The following USP44 variants were observed in gnomAD, a reference collection of about 807,000 sequenced individuals.
USP44 encodes the protein ubiquitin carboxyl-terminal hydrolase 44.
Under a neutral mutation model 69.0 loss-of-function variants are expected in USP44, and 61 were observed. The observed-to-expected ratio is 0.88, with a 90% CI of 0.72 to 1.09. The LOEUF is 1.09. Ranked by LOEUF, USP44 falls within the 50% of genes least tolerant of loss-of-function variation. The pLI, the probability that USP44 is intolerant of heterozygous loss-of-function variation, is 0.00. For synonymous variants in USP44, 297 were observed against 295.4 expected, an observed-to-expected ratio of 1.01 and a Z score of -0.06; for missense variants, 753 against 849.9, an observed-to-expected ratio of 0.89 and a Z score of 1.42.
chr12:95,526,692 T>C (rs1375481537), intron 3 of USP44, among the ~76,000 whole-genome samples: 1 of 152,216 alleles, frequency 6.6e-6, no homozygotes, highest in East Asian at 1.9e-4. Flanking sequence ...TAACATTTCT[T>C]CAATGTGGGA....
Position 95,528,794 on chromosome 12 carries a change from C to T in USP44, c.1624+13G>A, listed in dbSNP as rs756860346. On this transcript the variant is annotated intron_variant, in intron 3 of 5. Coordinates refer to ENST00000258499, the MANE Select transcript of USP44 (RefSeq NM_032147.5). Reference sequence around the variant, plus strand: ...TCCTAGGAAAGCACCAAGAACACAACGTCTTTACTCACAGTTACACTGGTC... The same window carrying T: ...TCCTAGGAAAGCACCAAGAACACAATGTCTTTACTCACAGTTACACTGGTC... 6 of 1,605,966 alleles carry T rather than the reference C, an allele frequency of 3.7e-6. No individual in the cohort carries two copies. The highest frequency in any genetic ancestry group is 1.8e-4 in the Middle Eastern group (1 of 5,554).
rs2140301670 is a variant in USP44 at position 95,534,194 on chromosome 12, G to T, written c.63C>A (p.Ser21Arg). The T allele has an allele frequency of 6.2e-7, 1 of 1,614,120 alleles. No individual in the cohort carries two copies. ...GQLQLAQDHSSLNPQKWHCVD... is the reference protein window; with the variant it reads ...GQLQLAQDHSRLNPQKWHCVD... ...CACAGTGCCATTTCTGAGGGTTGAG[G>T]CTGGAATGGTCTTGAGCAAGCTGCA... The change falls in exon 2 of 6, where the codon AGC (serine) becomes AGA (arginine). Residue 21 changes from serine (S) to arginine (R), a missense_variant. Transcript: ENST00000258499.
chr12:95,530,826 A>G (rs773548479), intron 2 of USP44, among the ~76,000 whole-genome samples: 1 of 152,186 alleles, frequency 6.6e-6, no homozygotes. Flanking sequence ...TAATGAAAAA[A>G]ATTAAAAACA....
In USP44 at chr12:95,517,657, A is replaced by C. The variant is rs1231968639; in HGVS notation, c.*497T>G. 6.5e-6 allele frequency: 1 copy of C among 153,068 alleles called. No individual in the cohort carries two copies. Among genetic ancestry groups the C allele is most frequent in the Non-Finnish European group, 1.5e-5 (1 of 68,608 alleles). 9.5% of individuals were successfully genotyped at this position (153,068 alleles called of 1,614,324 possible). ...GGCCTGTTAACACACAAAGCCTCAGAAATACCAGTGAGTGTGACTGAAGAA... is the reference window on the plus strand; with the variant it reads ...GGCCTGTTAACACACAAAGCCTCAGCAATACCAGTGAGTGTGACTGAAGAA... On this transcript the variant is annotated 3_prime_UTR_variant, in exon 6 of 6. Transcript: ENST00000258499.
rs1565793929 is a variant in USP44 at position 95,517,248 on chromosome 12, T to C, written c.*906A>G. On this transcript the variant is annotated 3_prime_UTR_variant, in exon 6 of 6. Transcript: ENST00000258499. The stretch of plus-strand genomic sequence containing the variant: ...TCCAGTTGCCAATTTTGAACACTTA[T>C]CTTTTCTGCCCTATAATTTTTTCTC... 6.6e-6 allele frequency: 1 copy of C among 152,086 alleles called. No homozygotes were observed. The highest frequency in any genetic ancestry group is 2.1e-4 in the South Asian group (1 of 4,826). The allele number at this position is 152,086 out of a possible 1,614,324, so 9.4% of individuals were successfully genotyped here.
At chr12:95,529,154 T>C (rs1565814530) in intron 2 of USP44, 152 bp from the exon 3 acceptor site, 10 of 738,096 alleles carry the variant, frequency 1.4e-5, no homozygotes, top group Non-Finnish European at 2.0e-5. Context: ...TGTCAGGAAA[T>C]CTTTCATTAT....
In USP44 at chr12:95,533,420, T is replaced by C. The variant is rs1245860937; in HGVS notation, c.837A>G (p.Gly279=). 1.9e-6 allele frequency: 3 copies of C among 1,613,788 alleles called. No individual in the cohort carries two copies. The highest frequency in any genetic ancestry group is 1.7e-5 in the Admixed American group (1 of 59,982). Residue 279 remains glycine (G), a synonymous_variant, in exon 2 of 6, where the codon GGA becomes GGG. Transcript: ENST00000258499. ...GAACAGAATTCATATAGCAAGTATT[T>C]CCCAAATTTCTCAATCCTGTTACAC... is the stretch of plus-strand genomic sequence containing the variant. ...TPGVTGLRNL[G]NTCYMNSVLQ...
chr12:95,527,553 T>C (rs1483918435), intron 3 of USP44, among the ~76,000 whole-genome samples: 1 of 150,682 alleles, frequency 6.6e-6, no homozygotes, highest in East Asian at 2.0e-4. Context: ...GGCACGATCT[T>C]GGCTCACTGC....
At chr12:95,519,327 AC>A (rs1329745994) in intron 5 of USP44, among the ~76,000 whole-genome samples, 4 of 152,018 alleles carry the variant, frequency 2.6e-5, no homozygotes, top group Non-Finnish European at 4.4e-5. Context: ...TCATGTCTAA[AC>A]CTGGGTCCCA....
At chr12:95,540,051 C>T (rs954394605) in intron 1 of USP44, among the ~76,000 whole-genome samples, 1 of 152,116 alleles carries the variant, frequency 6.6e-6, no homozygotes, top group Non-Finnish European at 1.5e-5. Context: ...GTAATACCTT[C>T]CTGTTGTATT....
At chr12:95,536,134 C>T (rs1034115467) in intron 1 of USP44, among the ~76,000 whole-genome samples, 3 of 151,222 alleles carry the variant, frequency 2.0e-5, no homozygotes, top group African/African-American at 7.3e-5. Context: ...CCTCCACCTC[C>T]CAGGTTCCAG....
At chr12:95,535,036 A>G (rs2077156487) in intron 1 of USP44, among the ~76,000 whole-genome samples, 1 of 152,206 alleles carries the variant, frequency 6.6e-6, no homozygotes, top group African/African-American at 2.4e-5. Context: ...TAATATTTAT[A>G]AACATTATGA....
chr12:95,528,028 G>A (rs911867961), intron 3 of USP44, among the ~76,000 whole-genome samples: 7 of 151,646 alleles, frequency 4.6e-5, no homozygotes, highest in African/African-American at 1.7e-4. Context: ...TAGGAGAGAC[G>A]AGGTTTCACC....
chr12:95,551,034 G>C (rs1019842292), intron 1 of USP44, among the ~76,000 whole-genome samples: 1 of 151,952 alleles, frequency 6.6e-6, no homozygotes, highest in South Asian at 2.1e-4. Context: ...TTTTATTCAT[G>C]ATCTTCACTA....
At chr12:95,546,997 A>G (rs2077593264) in intron 1 of USP44, 1 of 152,222 alleles carries the variant, frequency 6.6e-6, no homozygotes, top group African/African-American at 2.4e-5. Flanking sequence ...AAATCTGTAG[A>G]AAAGGGAGAA....
Position 95,533,653 on chromosome 12 carries a change from T to C in USP44, c.604A>G (p.Lys202Glu). The change falls in exon 2 of 6, where the codon AAA (lysine) becomes GAA (glutamate). Residue 202 changes from lysine to glutamate, a missense_variant. By Grantham distance (56) the Lys-to-Glu change is moderately conservative. Transcript: ENST00000258499. ...GGAGGCATACTTTCCAATTCTGCTT[T>C]AACTTGATACTCCAATTCCTGCCGT... ...KRRQELEYQV[K>E]AELESMPPRK... The C allele has an allele frequency of 1.2e-6, 2 of 1,613,944 alleles. No individual in the cohort carries two copies. The highest frequency in any genetic ancestry group is 1.7e-6 in the Non-Finnish European group (2 of 1,180,050).
intron 5 of USP44, among the ~76,000 whole-genome samples, chr12:95,519,981 C>A (rs1428260876): frequency 8.0e-6 from 1 of 124,828 alleles, no homozygotes; most frequent in African/African-American, 3.2e-5. Context: ...GTACTCTAGC[C>A]CAGGGGAAAG....
At chr12:95,522,484 T>C (rs1565803986) in intron 4 of USP44, among the ~76,000 whole-genome samples, 1 of 152,056 alleles carries the variant, frequency 6.6e-6, no homozygotes, top group Non-Finnish European at 1.5e-5. Flanking sequence ...TCTGGAGTGA[T>C]GAGAGTGTCT....
chr12:95,533,276 T>G lies in USP44; in HGVS notation c.981A>C (p.Thr327=). 1.2e-6 allele frequency: 2 copies of G among 1,614,162 alleles called. No homozygotes were observed. Among genetic ancestry groups the G allele is most frequent in the Non-Finnish European group, 1.7e-6 (2 of 1,180,042 alleles). Residue 327 remains threonine (T), a synonymous_variant, in exon 2 of 6, where the codon ACA becomes ACC. Transcript: ENST00000258499. ...KTRSCKHPPV[T]DTVVYQMNEC... The stretch of plus-strand genomic sequence containing the variant: ...CATTCATTTGATATACTACTGTATC[T>G]GTGACTGGTGGATGCTTACAAGATC...
Sources: gnomAD v4.1 joint callset for allele counts (sites outside exome capture counted in the v4.1 genomes callset) on GRCh38, gnomAD v4.1.1 for gene constraint, MANE v1.5 for transcripts, NCBI Gene and HGNC (gene_info 2026-07-23, HGNC 2026-07-21) for gene names.